FER1L6: variants seen among roughly 807,000 people sequenced by gnomAD.
The protein encoded by FER1L6 is fer-1 like family member 6.
In FER1L6, 177 loss-of-function variants were observed where a neutral mutation model predicts 219.2. That is an observed-to-expected ratio of 0.81 (90% CI 0.71 to 0.91). FER1L6 has a LOEUF of 0.91. FER1L6 is among the 40% of genes least tolerant of loss of function. FER1L6 has a pLI of 0.00. For synonymous variants in FER1L6, 768 were observed against 824.3 expected, an observed-to-expected ratio of 0.93 and a Z score of 1.17; for missense variants, 2,153 against 2,259.9, an observed-to-expected ratio of 0.95 and a Z score of 0.96.
At chr8:124,062,427 C>G (rs1436468938) in intron 25 of FER1L6, among the ~76,000 whole-genome samples, 1 of 152,178 alleles carries the variant, frequency 6.6e-6, no homozygotes, top group Non-Finnish European at 1.5e-5. Flanking sequence ...ATTCTATCCA[C>G]TGTCCTCCTT....
At chr8:123,967,913 G>A (rs565335115) in intron 5 of FER1L6, among the ~76,000 whole-genome samples, 13 of 151,696 alleles carry the variant, frequency 8.6e-5, no homozygotes, top group East Asian at 1.9e-4. Context: ...CCGAGATTTC[G>A]CAACTGCACT....
intron 13 of FER1L6, among the ~76,000 whole-genome samples, chr8:124,006,969 C>G (rs996573830): frequency 6.6e-6 from 1 of 152,170 alleles, no homozygotes; most frequent in African/African-American, 2.4e-5. Context: ...GGGAATTTAT[C>G]TATCTGCAGG....
intron 1 of FER1L6, among the ~76,000 whole-genome samples, chr8:123,886,022 G>C (rs1317950145): frequency 1.3e-5 from 2 of 152,190 alleles, no homozygotes; most frequent in Non-Finnish European, 2.9e-5. Context: ...TGAGTAAACT[G>C]TGTCTTCCCT....
At chr8:124,004,921 C>A (rs1391758841) in intron 13 of FER1L6, among the ~76,000 whole-genome samples, 1 of 151,672 alleles carries the variant, frequency 6.6e-6, no homozygotes. Flanking sequence ...TTGCTTGAAC[C>A]CGGGAGGCAG....
chr8:123,974,399 G>A (rs1367383259), intron 7 of FER1L6, among the ~76,000 whole-genome samples: 8 of 152,086 alleles, frequency 5.3e-5, no homozygotes, highest in Non-Finnish European at 1.2e-4. Flanking sequence ...ACTTTGAGAG[G>A]TCGAGGTGGG....
At position 123,968,194 on chromosome 8, in the gene FER1L6, T is replaced by C. The variant is rs1463182827; in HGVS notation, c.385-1841T>C. Among the ~76,000 whole-genome samples the C allele has an allele frequency of 4.6e-5, 7 of 152,202 alleles. No homozygotes were observed. The East Asian group carries it at 1.3e-3, about 29-fold the overall frequency. On this transcript the variant is annotated intron_variant, in intron 5 of 40. Coordinates refer to ENST00000522917, the MANE Select transcript of FER1L6 (RefSeq NM_001039112.2). ...CTTTTGGCATGGATGTAATATGAGA[T>C]AATATATGAAAATGCTTTAAAACTG...
At chr8:124,096,251 T>C (rs555309026) in intron 35 of FER1L6, among the ~76,000 whole-genome samples, 2 of 152,246 alleles carry the variant, frequency 1.3e-5, no homozygotes, top group Non-Finnish European at 2.9e-5. Context: ...TGATTAAGGA[T>C]GAATATTAAT....
intron 13 of FER1L6, among the ~76,000 whole-genome samples, chr8:124,006,891 G>A (rs1440282847): frequency 1.3e-5 from 2 of 152,166 alleles, no homozygotes; most frequent in Non-Finnish European, 2.9e-5. Context: ...ACAGACAAAG[G>A]CCTTGAACAT....
intron 39 of FER1L6, among the ~76,000 whole-genome samples, chr8:124,113,596 C>A (rs1454037327): frequency 6.6e-6 from 1 of 152,162 alleles, no homozygotes; most frequent in African/African-American, 2.4e-5. Flanking sequence ...GTTTCCTTTT[C>A]AAAACAAGAC....
intron 2 of FER1L6, among the ~76,000 whole-genome samples, chr8:123,960,732 A>G (rs1815235690): frequency 6.6e-6 from 1 of 151,226 alleles, no homozygotes. Flanking sequence ...TCGATGGAAA[A>G]TCTCCCTTTA....
At chr8:123,905,612 C>A (rs1370408443) in intron 1 of FER1L6, among the ~76,000 whole-genome samples, 11 of 152,280 alleles carry the variant, frequency 7.2e-5, no homozygotes, top group Admixed American at 7.2e-4. Flanking sequence ...TGTGCACAGA[C>A]AAACCTGGTG....
intron 1 of FER1L6, among the ~76,000 whole-genome samples, chr8:123,954,103 G>A (rs1814908127): frequency 6.6e-6 from 1 of 152,168 alleles, no homozygotes; most frequent in Non-Finnish European, 1.5e-5. Flanking sequence ...TAACAATCCT[G>A]TAGAGTAGTT....
chr8:123,933,068 T>C (rs1287447773), intron 1 of FER1L6, among the ~76,000 whole-genome samples: 7 of 152,212 alleles, frequency 4.6e-5, no homozygotes, highest in African/African-American at 1.7e-4. Context: ...GACCCACACC[T>C]GGTGTGTCCG....
chr8:124,035,400 A>G lies in FER1L6; in HGVS notation c.2410A>G (p.Met804Val). Residue 804 changes from methionine (M) to valine (V), a missense_variant, in exon 19 of 41, where the codon ATG (methionine) becomes GTG (valine). Coordinates refer to ENST00000522917, the MANE Select transcript of FER1L6 (RefSeq NM_001039112.2). ...CTTGCCAGTAGGCTATGAAGCAGAA[A>G]TGTCCTCCAAAGGGGCTGGCACCAA... ...DNLPVGYEAEMSSKGAGTNHP... is the reference protein window; with the variant it reads ...DNLPVGYEAEVSSKGAGTNHP... 1.2e-6 allele frequency: 2 copies of G among 1,614,012 alleles called. No homozygotes were observed. Among genetic ancestry groups the G allele is most frequent in the East Asian group, 2.2e-5 (1 of 44,874 alleles).
intron 33 of FER1L6, among the ~76,000 whole-genome samples, chr8:124,085,977 C>T (rs1171347617): frequency 6.6e-6 from 1 of 152,116 alleles, no homozygotes; most frequent in Non-Finnish European, 1.5e-5. Flanking sequence ...TTCTTTGCCT[C>T]CTTTTATAGT....
chr8:123,867,204 T>C (rs1022962689), intron 1 of FER1L6, among the ~76,000 whole-genome samples: 3 of 152,224 alleles, frequency 2.0e-5, no homozygotes, highest in African/African-American at 4.8e-5. Flanking sequence ...TCAGGTCTTA[T>C]GTTTAAGTCT....
At chr8:124,070,711 A>C in intron 30 of FER1L6, 113 bp downstream of exon 30, 1 of 922,122 alleles carries the variant, frequency 1.1e-6, no homozygotes, top group Non-Finnish European at 1.6e-6. Context: ...AAAATCCTTA[A>C]TTTTTACTCA....
At chr8:123,924,193 C>A (rs553129259) in intron 1 of FER1L6, among the ~76,000 whole-genome samples, 59 of 140,794 alleles carry the variant, frequency 4.2e-4, no homozygotes, top group Non-Finnish European at 8.0e-4. Flanking sequence ...TGAGATCGAG[C>A]CACTGCACTC....
At chr8:123,937,834 G>A (rs1814068749) in intron 1 of FER1L6, among the ~76,000 whole-genome samples, 1 of 151,812 alleles carries the variant, frequency 6.6e-6, no homozygotes, top group Admixed American at 6.6e-5. Flanking sequence ...TTCAAATGTT[G>A]CAATATACAG....
Sources: gnomAD v4.1 joint callset for allele counts (sites outside exome capture counted in the v4.1 genomes callset) on GRCh38, gnomAD v4.1.1 for gene constraint, MANE v1.5 for transcripts, NCBI Gene and HGNC (gene_info 2026-07-23, HGNC 2026-07-21) for gene names.